The following RIMBP2 variants were observed in gnomAD, a reference collection of about 807,000 sequenced individuals.
The protein encoded by RIMBP2 is RIMS binding protein 2, also known as RIMS-binding protein 2.
RIMBP2 carries 48 observed loss-of-function variants against 118.6 expected under a neutral mutation model. That is an observed-to-expected ratio of 0.40 (90% CI 0.32 to 0.51). RIMBP2 has a LOEUF of 0.51. Among genes scored for constraint, RIMBP2 ranks in the 20% least tolerant of loss-of-function variants. RIMBP2 has a pLI of 0.41. For missense variants in RIMBP2, 1,551 were observed against 1,768.3 expected, an observed-to-expected ratio of 0.88 and a Z score of 2.20; for synonymous variants, 762 against 742.9, an observed-to-expected ratio of 1.03 and a Z score of -0.42.
chr12:130,454,654 G>C lies in RIMBP2; in HGVS notation c.358+1842C>G, dbSNP rs553064180. On this transcript the variant is annotated intron_variant, in intron 7 of 22. Transcript: ENST00000690449. The stretch of plus-strand genomic sequence containing the variant: ...GTGGTGCAAACCTTCTTCTCTGCCA[G>C]GCGGCCCTGGCTTAGTAAAGGCATG... 2.6e-5 allele frequency among the ~76,000 whole-genome samples: 4 copies of C among 152,390 alleles called. No homozygotes were observed. The South Asian group carries it at 8.3e-4, about 32-fold the overall frequency.
chr12:130,538,688 T>C lies in RIMBP2; in HGVS notation c.-216-20771A>G, dbSNP rs111722277. The stretch of plus-strand genomic sequence containing the variant: ...ATGGGTTTTATAGCATTTGCATCAA[T>C]AGAGCGAGTCACGAGCATTACAGAG... On this transcript the variant is annotated intron_variant, in intron 2 of 22. Coordinates refer to ENST00000690449, the MANE Select transcript of RIMBP2 (RefSeq NM_001393629.1). Among the ~76,000 whole-genome samples the C allele has an allele frequency of 2.7e-4, 41 of 152,260 alleles. 1 individual carries two copies. The highest frequency in any genetic ancestry group is 9.6e-4 in the African/African-American group (40 of 41,550).
intron 1 of RIMBP2, among the ~76,000 whole-genome samples, chr12:130,646,096 C>G (rs1594135265): frequency 8.0e-6 from 1 of 124,518 alleles, no homozygotes; most frequent in Non-Finnish European, 1.8e-5. Flanking sequence ...CTTCCCTCTC[C>G]ACCTCCCTCT....
rs369659794 is a variant in RIMBP2 at position 130,646,082 on chromosome 12, A to G, written c.-351-17626T>C. ...CACCACCTGCCTCTCCACCTCCCTC[A>G]CCACTTCCCTCTCCACCTCCCTCTC... On this transcript the variant is annotated intron_variant, in intron 1 of 22. Coordinates refer to ENST00000690449, the MANE Select transcript of RIMBP2 (RefSeq NM_001393629.1). Among the ~76,000 whole-genome samples the G allele has an allele frequency of 1.8e-3, 168 of 94,254 alleles. 4 individuals are homozygous for G. The highest frequency in any genetic ancestry group is 4.5e-3 in the African/African-American group (111 of 24,704). The allele number at this position is 94,254 out of a possible 152,430, so 61.8% of individuals were successfully genotyped here. A position where few individuals can be genotyped will look rare whatever the true frequency, so the allele number is the denominator to read the frequency against.
Position 130,396,987 on chromosome 12 carries a change from A to G in RIMBP2, c.*374T>C, listed in dbSNP as rs1307017942. The G allele has an allele frequency of 6.3e-6, 1 of 158,386 alleles. No individual in the cohort carries two copies. Among genetic ancestry groups the G allele is most frequent in the African/African-American group, 2.4e-5 (1 of 41,758 alleles). The allele number at this position is 158,386 out of a possible 1,614,324, so 9.8% of individuals were successfully genotyped here. On this transcript the variant is annotated 3_prime_UTR_variant, in exon 23 of 23. Transcript: ENST00000690449. ...AGTGAAAGTTATGCATTATGAGGCA[A>G]GCATTTTGAGAAGGGAGAAAGGTTG...
chr12:130,506,593 T>A (rs889763228), intron 4 of RIMBP2, 55 bp downstream of exon 4: 2 of 985,168 alleles, frequency 2.0e-6, no homozygotes, highest in African/African-American at 1.7e-5. Flanking sequence ...CCCTCCTTCC[T>A]CACACCGACC....
chr12:130,451,241 G>T lies in RIMBP2; in HGVS notation c.458C>A (p.Thr153Asn). The stretch of plus-strand genomic sequence containing the variant: ...TGCGCTACCGGATCTCGACAGGAAG[G>T]TGGGCTTGGCGGACAGAGGCTCCGG... ...DRPEPLSAKP[T>N]FLSRSGSARC... is the part of the protein sequence containing the mutation. The change falls in exon 8 of 23, where the codon ACC becomes AAC. Residue 153 changes from threonine (T) to asparagine (N), a missense_variant. Physicochemically the swap from Thr to Asn is moderately conservative, Grantham distance 65 (BLOSUM62 0). Coordinates refer to ENST00000690449, the MANE Select transcript of RIMBP2 (RefSeq NM_001393629.1). 1.2e-6 allele frequency: 2 copies of T among 1,614,206 alleles called. No homozygotes were observed. The highest frequency in any genetic ancestry group is 1.7e-6 in the Non-Finnish European group (2 of 1,180,028).
intron 3 of RIMBP2, among the ~76,000 whole-genome samples, chr12:130,512,608 C>G (rs1024192007): frequency 6.6e-6 from 1 of 152,168 alleles, no homozygotes; most frequent in African/African-American, 2.4e-5. Context: ...CAGGCGTGAG[C>G]CACCGCACCC....
chr12:130,587,253 T>C (rs1438628950), intron 2 of RIMBP2, among the ~76,000 whole-genome samples: 1 of 132,240 alleles, frequency 7.6e-6, no homozygotes, highest in Non-Finnish European at 1.6e-5. Context: ...AGTTCAACCA[T>C]TGTGGAAGTC....
Position 130,578,466 on chromosome 12 carries a change from C to T in RIMBP2, c.-217+49856G>A, listed in dbSNP as rs144555292. Among the ~76,000 whole-genome samples, 650 of 152,344 alleles carry T rather than the reference C, an allele frequency of 4.3e-3. 3 individuals are homozygous for T. The highest frequency in any genetic ancestry group is 0.024 in the Middle Eastern group (7 of 294). ...CCTCACCTGTCCAACCTCGCCTTGACCTGACTCTCCAGCTGCATCTTCAGC... is the reference window on the plus strand; with the variant it reads ...CCTCACCTGTCCAACCTCGCCTTGATCTGACTCTCCAGCTGCATCTTCAGC... On this transcript the variant is annotated intron_variant, in intron 2 of 22. Coordinates refer to ENST00000690449, the MANE Select transcript of RIMBP2 (RefSeq NM_001393629.1). The surrounding 1 kb of genome is among the most constrained non-coding windows in gnomAD (Gnocchi z 4.1).
At chr12:130,618,335 C>CT (rs2061084615) in intron 2 of RIMBP2, among the ~76,000 whole-genome samples, 1 of 152,060 alleles carries the variant, frequency 6.6e-6, no homozygotes, top group African/African-American at 2.4e-5. Context: ...GTTAATTAAC[C>CT]TTTTTTATAG....
At chr12:130,534,993 C>T (rs1318904081) in intron 2 of RIMBP2, among the ~76,000 whole-genome samples, 5 of 152,212 alleles carry the variant, frequency 3.3e-5, no homozygotes, top group Non-Finnish European at 5.9e-5. Context: ...AACATCCCCA[C>T]CTGACGATGC....
In RIMBP2 at chr12:130,442,467, G is replaced by A. The variant is rs369666015; in HGVS notation, c.885C>T (p.Thr295=). The A allele has an allele frequency of 4.2e-5, 67 of 1,614,038 alleles. No homozygotes were observed. The highest frequency in any genetic ancestry group is 1.4e-4 in the South Asian group (13 of 91,086). ...HSPTHIDAGI[T]DNSAGTLDVN... is the part of the protein sequence containing the mutation. ...CGTCCAGGGTCCCGGCACTGTTGTC[G>A]GTGATGCCCGCATCTATGTGGGTTG... Residue 295 remains threonine, a synonymous_variant, in exon 11 of 23, where the codon ACC becomes ACT. Coordinates refer to ENST00000690449, the MANE Select transcript of RIMBP2 (RefSeq NM_001393629.1). The surrounding 1 kb of genome is among the most constrained non-coding windows in gnomAD (Gnocchi z 6.9).
intron 4 of RIMBP2, among the ~76,000 whole-genome samples, chr12:130,490,781 G>C (rs2048565297): frequency 6.6e-6 from 1 of 152,120 alleles, no homozygotes; most frequent in African/African-American, 2.4e-5. Flanking sequence ...GGCCAAGTGG[G>C]GGCTGCAGTA....
intron 14 of RIMBP2, among the ~76,000 whole-genome samples, chr12:130,433,049 A>G (rs1035931522): frequency 3.3e-5 from 5 of 151,492 alleles, no homozygotes; most frequent in African/African-American, 1.2e-4. Flanking sequence ...GAAAACCCAC[A>G]CTCTTGCTAA....
At chr12:130,561,632 A>G (rs576364920) in intron 2 of RIMBP2, among the ~76,000 whole-genome samples, 4 of 152,220 alleles carry the variant, frequency 2.6e-5, no homozygotes, top group South Asian at 4.2e-4. Flanking sequence ...TTAACTCCCA[A>G]CTGGCCATTA....
Position 130,523,740 on chromosome 12 carries a change from G to T in RIMBP2, c.-216-5823C>A, listed in dbSNP as rs2052435633. 6.6e-6 allele frequency among the ~76,000 whole-genome samples: 1 copy of T among 152,248 alleles called. No homozygotes were observed. The highest frequency in any genetic ancestry group is 1.5e-5 in the Non-Finnish European group (1 of 68,042). Reference sequence around the variant, plus strand: ...GGGCTCAGCAGGGGGCCCTGAGTGAGTGGGTGAGGAGCACCCTCTGCCCCC... The same window carrying T: ...GGGCTCAGCAGGGGGCCCTGAGTGATTGGGTGAGGAGCACCCTCTGCCCCC... On this transcript the variant is annotated intron_variant, in intron 2 of 22. Coordinates refer to ENST00000690449, the MANE Select transcript of RIMBP2 (RefSeq NM_001393629.1). This position sits in a 1 kb window ranked among gnomAD's most constrained non-coding sequence, Gnocchi z 4.4.
At chr12:130,650,784 G>A (rs2063197508) in intron 1 of RIMBP2, among the ~76,000 whole-genome samples, 1 of 151,928 alleles carries the variant, frequency 6.6e-6, no homozygotes, top group South Asian at 2.1e-4. Context: ...TGGAGCGTCG[G>A]GGGAGAGATT....
intron 12 of RIMBP2, 30 bp downstream of exon 12, chr12:130,438,335 A>AGCCAC: frequency 3.7e-5 from 32 of 864,982 alleles, no homozygotes; most frequent in Middle Eastern, 2.3e-4. Flanking sequence ...GGCCTAACAA[A>AGCCAC]CCCTCCCCAC....
At chr12:130,412,360 G>A (rs2075783412) in intron 19 of RIMBP2, among the ~76,000 whole-genome samples, 1 of 152,148 alleles carries the variant, frequency 6.6e-6, no homozygotes, top group African/African-American at 2.4e-5. Flanking sequence ...CAAGCAAGAC[G>A]GTACTTCATC....
Sources: gnomAD v4.1 joint callset for allele counts (sites outside exome capture counted in the v4.1 genomes callset) on GRCh38, gnomAD v4.1.1 for gene constraint, Gnocchi (gnomAD v3.1) non-coding constraint, MANE v1.5 for transcripts, NCBI Gene and HGNC (gene_info 2026-07-23, HGNC 2026-07-21) for gene names.